Variants in KMT2C observed in about 807,000 individuals in gnomAD.
KMT2C encodes lysine methyltransferase 2C, also known as histone-lysine N-methyltransferase 2C.
A neutral mutation model predicts 507.9 loss-of-function variants in KMT2C; 88 were observed. The observed-to-expected ratio is 0.17, with a 90% CI of 0.15 to 0.21. The LOEUF is 0.21. Ranked by LOEUF, KMT2C falls within the 10% of genes least tolerant of loss-of-function variation. The pLI, the probability that KMT2C is intolerant of heterozygous loss-of-function variation, is 1.00. For synonymous variants in KMT2C, 2,049 were observed against 2,080.8 expected, an observed-to-expected ratio of 0.98 and a Z score of 0.42; for missense variants, 4,954 against 5,957.8, an observed-to-expected ratio of 0.83 and a Z score of 5.55.
chr7:152,297,055 C>CAGAAAGAG (rs1315629061), intron 6 of KMT2C, among the ~76,000 whole-genome samples: 4 of 84,406 alleles, frequency 4.7e-5, no homozygotes, highest in African/African-American at 1.6e-4. Flanking sequence ...GAAAGAAAGA[C>CAGAAAGAG]AGAGAGAGAG....
chr7:152,367,367 CA>C (rs2097255916), intron 1 of KMT2C: 12 of 729,766 alleles, frequency 1.6e-5, no homozygotes, highest in Middle Eastern at 3.8e-4. Flanking sequence ...GAGCACCTAC[CA>C]GGGGCACCCC....
chr7:152,272,285 AAC>A (rs1239401189), intron 7 of KMT2C, among the ~76,000 whole-genome samples: 3 of 152,326 alleles, frequency 2.0e-5, no homozygotes, highest in East Asian at 1.9e-4. Context: ...ACACTGTTAG[AAC>A]ACAGTTTTCA....
At position 152,194,426 on chromosome 7, in the gene KMT2C, G is replaced by A. The variant is rs1355253914; in HGVS notation, c.4507+14C>T. 3.8e-5 allele frequency: 61 copies of A among 1,611,800 alleles called. No individual in the cohort carries two copies. Among genetic ancestry groups the A allele is most frequent in the Non-Finnish European group, 5.1e-5 (60 of 1,178,544 alleles). On this transcript the variant is annotated intron_variant, in intron 29 of 58. Coordinates refer to ENST00000262189, the MANE Select transcript of KMT2C (RefSeq NM_170606.3). ...GGTCTTTTAGAAAGCCTAGATGTAG[G>A]GCAAATATTTTACCATCTGTGACCA...
At chr7:152,380,664 G>A (rs2097366119) in intron 1 of KMT2C, among the ~76,000 whole-genome samples, 2 of 152,138 alleles carry the variant, frequency 1.3e-5, no homozygotes, top group East Asian at 3.8e-4. Flanking sequence ...TTTGGGCCCA[G>A]AAATTCGAAG....
At position 152,299,588 on chromosome 7, in the gene KMT2C, G is replaced by A. The variant is rs555636206; in HGVS notation, c.849+10378C>T. 9.9e-5 allele frequency among the ~76,000 whole-genome samples: 15 copies of A among 152,014 alleles called. No homozygotes were observed. In the South Asian group the frequency reaches 2.3e-3, roughly 23 times the overall value. Reference sequence around the variant, plus strand: ...CACTTGAGCCTAGCAGGTCAAGGCTGCAGTAAGGTATGATCACACCACTGC... The same window carrying A: ...CACTTGAGCCTAGCAGGTCAAGGCTACAGTAAGGTATGATCACACCACTGC... On this transcript the variant is annotated intron_variant, in intron 6 of 58. Transcript: ENST00000262189.
At chr7:152,354,357 T>C (rs2097136504) in intron 2 of KMT2C, among the ~76,000 whole-genome samples, 1 of 152,142 alleles carries the variant, frequency 6.6e-6, no homozygotes, top group African/African-American at 2.4e-5. Context: ...AAGAACACAA[T>C]ACTGCTTCAC....
At chr7:152,425,909 A>G (rs2097812226) in intron 1 of KMT2C, among the ~76,000 whole-genome samples, 1 of 152,150 alleles carries the variant, frequency 6.6e-6, no homozygotes, top group Non-Finnish European at 1.5e-5. Flanking sequence ...AAAACCACCT[A>G]AAACAAGTCT....
chr7:152,281,138 A>G (rs1033601518), intron 6 of KMT2C, among the ~76,000 whole-genome samples: 2 of 152,162 alleles, frequency 1.3e-5, no homozygotes, highest in African/African-American at 4.8e-5. Flanking sequence ...ACATGAATAA[A>G]TCTGACTACA....
At chr7:152,280,419 C>T (rs1167144705) in intron 6 of KMT2C, among the ~76,000 whole-genome samples, 3 of 152,194 alleles carry the variant, frequency 2.0e-5, no homozygotes, top group South Asian at 2.1e-4. Context: ...GGCGTGGTGG[C>T]GCACGCCTGT....
At chr7:152,308,859 T>C (rs2096644436) in intron 6 of KMT2C, among the ~76,000 whole-genome samples, 1 of 151,758 alleles carries the variant, frequency 6.6e-6, no homozygotes, top group South Asian at 2.1e-4. Flanking sequence ...GAAAAGCAAT[T>C]TGTAGACAGC....
chr7:152,174,569 AAT>A (rs2093110598), intron 38 of KMT2C, among the ~76,000 whole-genome samples: 1 of 152,218 alleles, frequency 6.6e-6, no homozygotes. Flanking sequence ...TAACATCACA[AAT>A]AAGAATTTGC....
At chr7:152,263,187 T>A in intron 8 of KMT2C, 57 bp from the exon 9 acceptor site, 1 of 1,437,914 alleles carries the variant, frequency 7.0e-7, no homozygotes, top group Non-Finnish European at 9.7e-7. Flanking sequence ...TTTTGTAACA[T>A]AAGTAATCAT....
chr7:152,423,770 T>C (rs1589953520), intron 1 of KMT2C, among the ~76,000 whole-genome samples: 1 of 152,306 alleles, frequency 6.6e-6, no homozygotes, highest in South Asian at 2.1e-4. Context: ...CTGTTAAGAA[T>C]TGGCCCAGAA....
intron 23 of KMT2C, among the ~76,000 whole-genome samples, chr7:152,218,375 G>A (rs1260196676): frequency 1.3e-5 from 2 of 151,970 alleles, no homozygotes; most frequent in Non-Finnish European, 2.9e-5. Flanking sequence ...TGTTGGCCAG[G>A]ATGGTCTTGA....
intron 14 of KMT2C, among the ~76,000 whole-genome samples, chr7:152,244,761 C>A (rs2095442311): frequency 6.6e-6 from 1 of 152,120 alleles, no homozygotes; most frequent in Non-Finnish European, 1.5e-5. Flanking sequence ...TTATTCTATT[C>A]ACAGCCATCA....
intron 1 of KMT2C, among the ~76,000 whole-genome samples, chr7:152,373,689 T>A (rs6464222): frequency 0.05 from 7,567 of 152,148 alleles, 312 homozygotes; most frequent in African/African-American, 0.11. Context: ...TCTTTAAGAT[T>A]GTCAGATCAA....
chr7:152,231,274 A>G (rs1399715292), intron 16 of KMT2C, among the ~76,000 whole-genome samples: 1 of 152,246 alleles, frequency 6.6e-6, no homozygotes, highest in Non-Finnish European at 1.5e-5. Context: ...TGGTTTGTTA[A>G]TAATTTCTAG....
At chr7:152,163,960 T>C in intron 42 of KMT2C, 134 bp from the exon 43 acceptor site, 1 of 755,202 alleles carries the variant, frequency 1.3e-6, no homozygotes, top group Non-Finnish European at 2.2e-6. Context: ...TTTGCTTGGG[T>C]AACTGCAAAA....
chr7:152,386,567 CT>C (rs2097428739), intron 1 of KMT2C, among the ~76,000 whole-genome samples: 1 of 152,416 alleles, frequency 6.6e-6, no homozygotes. Context: ...AAAGATGCCT[CT>C]GTACTACTCC....
Sources: allele counts gnomAD v4.1 joint callset (sites outside exome capture counted in the v4.1 genomes callset), GRCh38; gene constraint gnomAD v4.1.1; transcripts MANE v1.5; gene names NCBI Gene and HGNC (gene_info 2026-07-23, HGNC 2026-07-21).